GNA12: variants seen among roughly 807,000 people sequenced by gnomAD.
GNA12 encodes the protein G protein subunit alpha 12.
GNA12 carries 9 observed loss-of-function variants against 26.0 expected under a neutral mutation model. The ratio of observed to expected loss-of-function variants is 0.35; its 90% CI spans 0.21 to 0.60. GNA12 has a LOEUF of 0.60. Among genes scored for constraint, GNA12 ranks in the 20% least tolerant of loss-of-function variants. The probability of loss-of-function intolerance (pLI) is 0.78; values close to 1 mark genes in which losing one functional copy is unlikely to be tolerated. For missense variants in GNA12, 405 were observed against 525.8 expected (o/e 0.77, Z 2.25); for synonymous variants, 264 against 219.6 (o/e 1.20, Z -1.79).
intron 2 of GNA12, among the ~76,000 whole-genome samples, chr7:2,766,079 T>A (rs1007219022): frequency 1.3e-5 from 2 of 152,234 alleles, no homozygotes; most frequent in African/African-American, 4.8e-5. Context: ...AACTTTTTCA[T>A]CTTGCAAATG....
At chr7:2,834,839 C>T (rs1328315971) in intron 1 of GNA12, among the ~76,000 whole-genome samples, 2 of 152,144 alleles carry the variant, frequency 1.3e-5, no homozygotes, top group Non-Finnish European at 2.9e-5. Flanking sequence ...CCTAGGTATA[C>T]GGTCAGCTAT....
intron 2 of GNA12, among the ~76,000 whole-genome samples, chr7:2,742,370 C>T (rs767126446): frequency 2.6e-5 from 4 of 152,060 alleles, no homozygotes; most frequent in African/African-American, 7.2e-5. Flanking sequence ...GGGGTTTTTG[C>T]GATGTCTCCA....
intron 1 of GNA12, among the ~76,000 whole-genome samples, chr7:2,819,995 G>A (rs374225548): frequency 1.3e-5 from 2 of 152,152 alleles, no homozygotes; most frequent in Non-Finnish European, 2.9e-5. Context: ...ACTGAGGCAC[G>A]GATAAACAAA....
chr7:2,763,441 A>C (rs923612298), intron 2 of GNA12: 6 of 152,382 alleles, frequency 3.9e-5, no homozygotes, highest in African/African-American at 7.2e-5. Flanking sequence ...CGCCTGGAGC[A>C]AAGGTTTTGT....
At chr7:2,783,930 C>T (rs1458991588) in intron 2 of GNA12, among the ~76,000 whole-genome samples, 2 of 151,988 alleles carry the variant, frequency 1.3e-5, no homozygotes, top group Admixed American at 1.3e-4. Context: ...AGTGATCCAC[C>T]TTCCTCAGCC....
intron 2 of GNA12, among the ~76,000 whole-genome samples, chr7:2,757,128 C>CTTTTTTTT (rs1562409543): frequency 7.8e-5 from 9 of 115,136 alleles, no homozygotes; most frequent in African/African-American, 1.6e-4. Context: ...ATCAGGTGGG[C>CTTTTTTTT]CTTTTTTTTT....
intron 1 of GNA12, among the ~76,000 whole-genome samples, chr7:2,837,283 C>T (rs942207525): frequency 2.0e-5 from 3 of 152,262 alleles, no homozygotes; most frequent in Middle Eastern, 3.4e-3. Flanking sequence ...GAATCAGCAA[C>T]GCCCAGAGGG....
At chr7:2,787,682 CTCAGA>C (rs1792397485) in intron 2 of GNA12, among the ~76,000 whole-genome samples, 1 of 152,354 alleles carries the variant, frequency 6.6e-6, no homozygotes, top group South Asian at 2.1e-4. Context: ...ACGCTGACTG[CTCAGA>C]TTCTTGACAC....
intron 2 of GNA12, among the ~76,000 whole-genome samples, chr7:2,787,603 G>T (rs893720956): frequency 1.3e-5 from 2 of 152,206 alleles, no homozygotes; most frequent in African/African-American, 4.8e-5. Flanking sequence ...AAGCTACGTT[G>T]GTGAGAGCTA....
chr7:2,785,698 T>C (rs1792341763), intron 2 of GNA12, among the ~76,000 whole-genome samples: 1 of 149,942 alleles, frequency 6.7e-6, no homozygotes, highest in Non-Finnish European at 1.5e-5. Context: ...TGTATGTGCA[T>C]ACACACACAC....
intron 2 of GNA12, among the ~76,000 whole-genome samples, chr7:2,786,632 C>G (rs1020712879): frequency 2.6e-5 from 4 of 152,156 alleles, no homozygotes; most frequent in Admixed American, 2.6e-4. Context: ...GGGGAAAATC[C>G]TCTCATGCAC....
At chr7:2,803,462 C>T (rs1220214616) in intron 1 of GNA12, among the ~76,000 whole-genome samples, 2 of 152,132 alleles carry the variant, frequency 1.3e-5, no homozygotes, top group African/African-American at 4.8e-5. Context: ...AGTGCTCTCA[C>T]CCCAAGTGCT....
intron 1 of GNA12, among the ~76,000 whole-genome samples, chr7:2,836,506 A>C (rs1206520587): frequency 6.6e-6 from 1 of 152,176 alleles, no homozygotes; most frequent in Admixed American, 6.5e-5. Context: ...GAAGCCTCCA[A>C]GCTGGAACAG....
chr7:2,844,167 C>G lies in GNA12; in HGVS notation c.-6G>C. On this transcript the variant is annotated 5_prime_UTR_variant, in exon 1 of 4. Coordinates refer to ENST00000275364, the MANE Select transcript of GNA12 (RefSeq NM_007353.3). ...GTCCGCACCACCCCGGACATGGCCC[C>G]TCAGGCCGCGGCCGCGCCCCGCCGG... 4 of 983,310 alleles carry G rather than the reference C, an allele frequency of 4.1e-6. No individual in the cohort carries two copies. Among genetic ancestry groups the G allele is most frequent in the Non-Finnish European group, 4.8e-6 (4 of 829,906 alleles). The allele number at this position is 983,310 out of a possible 1,614,324, so 60.9% of individuals were successfully genotyped here. A position where few individuals can be genotyped will look rare whatever the true frequency, so the allele number is the denominator to read the frequency against.
At chr7:2,788,311 T>C (rs1450835606) in intron 2 of GNA12, among the ~76,000 whole-genome samples, 2 of 152,142 alleles carry the variant, frequency 1.3e-5, no homozygotes, top group Non-Finnish European at 2.9e-5. Context: ...CAGCCTGCCT[T>C]GTCGCTGTGG....
chr7:2,799,318 G>A (rs756712632), intron 1 of GNA12, among the ~76,000 whole-genome samples: 10 of 152,196 alleles, frequency 6.6e-5, no homozygotes, highest in African/African-American at 1.2e-4. Context: ...AGTAGCTCAC[G>A]CCTGTAATCC....
chr7:2,773,887 A>G (rs1650436424), intron 2 of GNA12, among the ~76,000 whole-genome samples: 3 of 152,344 alleles, frequency 2.0e-5, no homozygotes, highest in Admixed American at 2.0e-4. Flanking sequence ...CCAGGAGGGC[A>G]GGGAACTAAA....
intron 2 of GNA12, among the ~76,000 whole-genome samples, chr7:2,740,292 G>C (rs1282783882): frequency 6.6e-6 from 1 of 152,146 alleles, no homozygotes; most frequent in African/African-American, 2.4e-5. Flanking sequence ...CAGTGTGATG[G>C]TATTTGGAGA....
At chr7:2,800,384 CT>C (rs1792780275) in intron 1 of GNA12, among the ~76,000 whole-genome samples, 1 of 152,090 alleles carries the variant, frequency 6.6e-6, no homozygotes, top group Admixed American at 6.5e-5. Flanking sequence ...TCTTTGTGGT[CT>C]GGACTGTGGT....
Sources: allele counts gnomAD v4.1 joint callset (sites outside exome capture counted in the v4.1 genomes callset), GRCh38; gene constraint gnomAD v4.1.1; transcripts MANE v1.5; gene names NCBI Gene and HGNC (gene_info 2026-07-23, HGNC 2026-07-21).